Variants in GDA observed in about 807,000 individuals in gnomAD.
GDA encodes guanine deaminase, also known as cytoplasmic PSD-95 interactor.
GDA carries 18 observed loss-of-function variants against 59.6 expected under a neutral mutation model. That is an observed-to-expected ratio of 0.30 (90% CI 0.21 to 0.45). The LOEUF is 0.45. GDA is among the 20% of genes least tolerant of loss of function. The probability of loss-of-function intolerance (pLI) is 1.00; values close to 1 mark genes in which losing one functional copy is unlikely to be tolerated. For synonymous variants in GDA, 201 were observed against 201.1 expected (o/e 1.00, Z 0.00); for missense variants, 427 against 552.3 (o/e 0.77, Z 2.27).
intron 10 of GDA, among the ~76,000 whole-genome samples, chr9:72,236,971 G>T (rs144166817): frequency 0.011 from 1,594 of 151,764 alleles, 34 homozygotes; most frequent in African/African-American, 0.037. Flanking sequence ...GTAGAGACAG[G>T]GTTTCAACAT....
chr9:72,161,463 T>C (rs1352568197), intron 1 of GDA, among the ~76,000 whole-genome samples: 1 of 151,254 alleles, frequency 6.6e-6, no homozygotes, highest in Non-Finnish European at 1.5e-5. Flanking sequence ...TAGATGCCAA[T>C]GTATGTGGTT....
At chr9:72,192,297 G>A (rs1365458668) in intron 1 of GDA, among the ~76,000 whole-genome samples, 13 of 123,008 alleles carry the variant, frequency 1.1e-4, no homozygotes, top group Admixed American at 1.1e-3. Flanking sequence ...GCAGTGTCGC[G>A]ATCTCGGCTC....
intron 1 of GDA, among the ~76,000 whole-genome samples, chr9:72,181,713 C>T (rs540459297): frequency 5.9e-5 from 9 of 152,208 alleles, no homozygotes; most frequent in African/African-American, 2.2e-4. Flanking sequence ...GATGGTAGCT[C>T]ACTGCAACCT....
chr9:72,208,507 C>T (rs1355663541), intron 3 of GDA, among the ~76,000 whole-genome samples: 1 of 152,224 alleles, frequency 6.6e-6, no homozygotes, highest in Non-Finnish European at 1.5e-5. Context: ...CTCCCATTCT[C>T]TTGTTTCTGG....
chr9:72,116,371 T>C (rs1241181354), intron 1 of GDA, among the ~76,000 whole-genome samples: 1 of 148,840 alleles, frequency 6.7e-6, no homozygotes, highest in African/African-American at 2.5e-5. Flanking sequence ...TACACCTCTA[T>C]GAAGTTTCCC....
At chr9:72,227,461 G>T (rs932680761) in intron 8 of GDA, among the ~76,000 whole-genome samples, 1 of 150,466 alleles carries the variant, frequency 6.6e-6, no homozygotes, top group African/African-American at 2.5e-5. Flanking sequence ...AAAGAACAGC[G>T]CTTTGCAGGA....
At chr9:72,233,996 T>C (rs1838674607) in intron 10 of GDA, among the ~76,000 whole-genome samples, 2 of 152,110 alleles carry the variant, frequency 1.3e-5, no homozygotes, top group Non-Finnish European at 2.9e-5. Context: ...CAGCTTTATT[T>C]ATAATAGCCC....
intron 1 of GDA, among the ~76,000 whole-genome samples, chr9:72,156,584 G>C (rs1187368852): frequency 6.6e-6 from 1 of 152,184 alleles, no homozygotes; most frequent in Non-Finnish European, 1.5e-5. Context: ...CTAGAAGGCT[G>C]ATTGCTTGTT....
chr9:72,150,341 G>GCACA (rs796802920), intron 1 of GDA, among the ~76,000 whole-genome samples: 6 of 148,316 alleles, frequency 4.0e-5, no homozygotes, highest in South Asian at 2.2e-4. Context: ...ACACACGCAC[G>GCACA]CACACACACA....
At chr9:72,202,156 G>A (rs1202055427) in intron 2 of GDA, among the ~76,000 whole-genome samples, 1 of 152,206 alleles carries the variant, frequency 6.6e-6, no homozygotes, top group Non-Finnish European at 1.5e-5. Context: ...AGTGACTGGT[G>A]TGCACATTGC....
downstream of GDA, chr9:72,257,011 T>A (rs941129801): frequency 6.6e-6 from 1 of 152,236 alleles, no homozygotes; most frequent in Non-Finnish European, 1.5e-5. Context: ...GATATCCTGG[T>A]CTCAAGTGAT....
At chr9:72,155,358 GGTTCCTCC>G (rs1369778655) in intron 1 of GDA, among the ~76,000 whole-genome samples, 17 of 152,066 alleles carry the variant, frequency 1.1e-4, no homozygotes, top group African/African-American at 4.1e-4. Context: ...TCGCCCACTG[GGTTCCTCC>G]CACAACATGT....
Position 72,141,000 on chromosome 9 carries a change from CAT to C in GDA, c.-100+26168_-100+26169del, listed in dbSNP as rs750294029. On this transcript the variant is annotated intron_variant, in intron 1 of 13. Transcript: ENST00000545168. The stretch of plus-strand genomic sequence containing the variant: ...TTACACATGCTCCAAATCCCAATCA[CAT>C]GTTTTTCATTTCATAGCATATTTTG... Among the ~76,000 whole-genome samples the C allele has an allele frequency of 1.8e-4, 28 of 152,284 alleles. No individual in the cohort carries two copies. In the East Asian group the frequency reaches 4.8e-3, roughly 26 times the overall value.
intron 1 of GDA, among the ~76,000 whole-genome samples, chr9:72,132,103 C>T (rs958597357): frequency 7.9e-5 from 12 of 152,302 alleles, no homozygotes; most frequent in African/African-American, 2.9e-4. Flanking sequence ...ATAATTTAAT[C>T]ACCTCCCACT....
chr9:72,225,992 T>G (rs1482587741), intron 8 of GDA, among the ~76,000 whole-genome samples: 4 of 96,380 alleles, frequency 4.2e-5, no homozygotes, highest in African/African-American at 9.2e-5. Context: ...AAGCCTAGTG[T>G]GTGTGTGTGT....
chr9:72,202,307 C>G (rs932232846), intron 2 of GDA, among the ~76,000 whole-genome samples: 1 of 152,196 alleles, frequency 6.6e-6, no homozygotes, highest in African/African-American at 2.4e-5. Context: ...TGCTTCTGCT[C>G]AATGCTGTGT....
intron 2 of GDA, among the ~76,000 whole-genome samples, chr9:72,197,104 C>T (rs888410532): frequency 6.6e-6 from 1 of 152,152 alleles, no homozygotes; most frequent in Non-Finnish European, 1.5e-5. Flanking sequence ...AATGAAAATA[C>T]CTGGTTTGAA....
At chr9:72,172,235 T>G (rs1830049862) in intron 1 of GDA, among the ~76,000 whole-genome samples, 1 of 150,590 alleles carries the variant, frequency 6.6e-6, no homozygotes, top group Non-Finnish European at 1.5e-5. Context: ...CTAATATATA[T>G]ATATATATAA....
chr9:72,189,833 C>T (rs1019807436), intron 1 of GDA, among the ~76,000 whole-genome samples: 1 of 152,040 alleles, frequency 6.6e-6, no homozygotes, highest in Non-Finnish European at 1.5e-5. Context: ...CAGAGTAAGA[C>T]CCCATCTGAA....
Sources: gnomAD v4.1 joint callset for allele counts (sites outside exome capture counted in the v4.1 genomes callset) on GRCh38, gnomAD v4.1.1 for gene constraint, MANE v1.5 for transcripts, NCBI Gene and HGNC (gene_info 2026-07-23, HGNC 2026-07-21) for gene names.